Variants in ADGRD1 observed in about 807,000 individuals in gnomAD.
The protein encoded by ADGRD1 is G-protein coupled receptor 133.
ADGRD1 carries 77 observed loss-of-function variants against 113.4 expected under a neutral mutation model. The ratio of observed to expected loss-of-function variants is 0.68; its 90% CI spans 0.57 to 0.82. The LOEUF is 0.82. ADGRD1 is among the 40% of genes least tolerant of loss of function. The pLI, the probability that ADGRD1 is intolerant of heterozygous loss-of-function variation, is 0.00. For synonymous variants in ADGRD1, 474 were observed against 475.0 expected (o/e 1.00, Z 0.03); for missense variants, 1,036 against 1,139.1 (o/e 0.91, Z 1.30).
At chr12:131,036,024 A>G (rs2136952428) in intron 13 of ADGRD1, among the ~76,000 whole-genome samples, 1 of 152,318 alleles carries the variant, frequency 6.6e-6, no homozygotes, top group East Asian at 1.9e-4. Context: ...TAAAAACAAC[A>G]AAGCTTATTT....
At chr12:131,133,558 G>A (rs779408411) in intron 21 of ADGRD1, among the ~76,000 whole-genome samples, 14 of 152,190 alleles carry the variant, frequency 9.2e-5, no homozygotes, top group Non-Finnish European at 1.8e-4. Flanking sequence ...TCCCACCTGC[G>A]TCTGCACCTG....
intron 13 of ADGRD1, among the ~76,000 whole-genome samples, chr12:131,048,200 G>T (rs1883032230): frequency 6.6e-6 from 1 of 152,246 alleles, no homozygotes; most frequent in African/African-American, 2.4e-5. Context: ...TGAGTGGAAG[G>T]CTGAGGGCGC....
At chr12:131,122,530 A>G (rs79243423) in intron 20 of ADGRD1, among the ~76,000 whole-genome samples, 6,033 of 152,164 alleles carry the variant, frequency 0.04, 410 homozygotes, top group African/African-American at 0.14. Context: ...AGGACCATTC[A>G]TTTTGCCAAC....
chr12:130,996,720 C>T (rs1875459904), intron 8 of ADGRD1, among the ~76,000 whole-genome samples: 1 of 98,054 alleles, frequency 1.0e-5, no homozygotes, highest in Admixed American at 8.9e-5. Flanking sequence ...ACCCCCCCAC[C>T]ACCCTCCCGG....
intron 14 of ADGRD1, among the ~76,000 whole-genome samples, chr12:131,080,450 G>A (rs2137187765): frequency 6.6e-6 from 1 of 152,082 alleles, no homozygotes; most frequent in Non-Finnish European, 1.5e-5. Context: ...TATATTCTTG[G>A]TGGAGTGTTC....
Position 131,006,055 on chromosome 12 carries a change from TC to T in ADGRD1, c.1331+9del. On this transcript the variant is annotated intron_variant, in intron 12 of 24. Coordinates refer to ENST00000261654, the MANE Select transcript of ADGRD1 (RefSeq NM_198827.5). ...CTGGCCCGCCCACACCAAGTGAGTC[TC>T]GGGGGTGCTCAGCTCAGGGGCGTGG... is the stretch of plus-strand genomic sequence containing the variant. The T allele has an allele frequency of 6.2e-7, 1 of 1,611,952 alleles. No homozygotes were observed. The highest frequency in any genetic ancestry group is 1.1e-5 in the South Asian group (1 of 91,056).
intron 2 of ADGRD1, chr12:130,962,464 C>G (rs1393524253): frequency 4.6e-5 from 7 of 152,176 alleles, no homozygotes; most frequent in Admixed American, 4.6e-4. Context: ...CTTTGTATAA[C>G]AGATGTTATT....
chr12:131,136,058 C>T lies in ADGRD1; in HGVS notation c.2289C>T (p.Ala763=), dbSNP rs773398397. ...CCAGGTTGACAGCCAAGGCAGTGGC[C>T]GTGCTGCTGCCCATCCTGGGTACCT... ...SAFKLTAKAV[A]VLLPILGTSW... The change falls in exon 22 of 25, where the codon GCC becomes GCT. Residue 763 remains alanine (A), a synonymous_variant. Transcript: ENST00000261654. The T allele has an allele frequency of 2.1e-5, 34 of 1,613,964 alleles. No individual in the cohort carries two copies. Among genetic ancestry groups the T allele is most frequent in the East Asian group, 1.3e-4 (6 of 44,892 alleles).
chr12:131,013,591 C>G (rs1878193696), intron 12 of ADGRD1, among the ~76,000 whole-genome samples: 1 of 152,200 alleles, frequency 6.6e-6, no homozygotes, highest in South Asian at 2.1e-4. Context: ...GATACCAGGG[C>G]TTCCTCCTGA....
intron 13 of ADGRD1, among the ~76,000 whole-genome samples, chr12:131,040,267 C>G (rs539259303): frequency 6.6e-6 from 1 of 152,286 alleles, no homozygotes; most frequent in South Asian, 2.1e-4. Context: ...TTCCTCCTCT[C>G]CCTCCTGCTC....
rs1410929211 is a variant in ADGRD1 at position 131,050,570 on chromosome 12, CCAGGCACGTCTTACATGGG to C, written c.1474-26227_1474-26209del. ...CAGTCATGGCAGAAGGTGGAGGGAA[CCAGGCACGTCTTACATGGG>C]CAGATCAAGAGAGGTGGGGGGTGCC... On this transcript the variant is annotated intron_variant, in intron 13 of 24. Coordinates refer to ENST00000261654, the MANE Select transcript of ADGRD1 (RefSeq NM_198827.5). This position sits in a 1 kb window ranked among gnomAD's most constrained non-coding sequence, Gnocchi z 4.8. Among the ~76,000 whole-genome samples the C allele has an allele frequency of 1.3e-5, 2 of 152,050 alleles. No homozygotes were observed. The highest frequency in any genetic ancestry group is 4.8e-5 in the African/African-American group (2 of 41,408).
chr12:130,954,333 A>G lies in ADGRD1; in HGVS notation c.-133A>G. The G allele has an allele frequency of 1.4e-6, 1 of 723,512 alleles. No homozygotes were observed. The highest frequency in any genetic ancestry group is 2.0e-5 in the South Asian group (1 of 50,924). The allele number at this position is 723,512 out of a possible 1,614,324, so 44.8% of individuals were successfully genotyped here. A position where few individuals can be genotyped will look rare whatever the true frequency, so the allele number is the denominator to read the frequency against. ...AAGACAGCTGTGTTTCACAAACTTT[A>G]AGGAGACAGAAATTTTCTCCCCTGG... On this transcript the variant is annotated 5_prime_UTR_variant, in exon 1 of 25. Transcript: ENST00000261654. The surrounding 1 kb of genome is among the most constrained non-coding windows in gnomAD (Gnocchi z 4.7).
intron 13 of ADGRD1, among the ~76,000 whole-genome samples, chr12:131,017,521 GCA>G (rs955345522): frequency 3.1e-5 from 4 of 126,992 alleles, no homozygotes; most frequent in Non-Finnish European, 6.5e-5. Context: ...CACCCACCCA[GCA>G]CAGACACACA....
intron 13 of ADGRD1, among the ~76,000 whole-genome samples, chr12:131,018,607 C>T (rs941862952): frequency 5.3e-5 from 8 of 152,232 alleles, no homozygotes; most frequent in Admixed American, 6.5e-5. Context: ...AGGAAACCAG[C>T]TTGAGTCAGT....
intron 13 of ADGRD1, among the ~76,000 whole-genome samples, chr12:131,051,886 T>C (rs75814590): frequency 6.6e-6 from 1 of 151,164 alleles, no homozygotes; most frequent in Admixed American, 6.6e-5. Context: ...GAGAATTGAA[T>C]TGAATTGAAT....
intron 13 of ADGRD1, among the ~76,000 whole-genome samples, chr12:131,020,804 C>T (rs1175446088): frequency 6.6e-6 from 1 of 152,238 alleles, no homozygotes; most frequent in East Asian, 1.9e-4. Context: ...AGGGGCCAGG[C>T]CCGGGATGGC....
intron 13 of ADGRD1, among the ~76,000 whole-genome samples, chr12:131,024,963 G>A (rs769780037): frequency 6.6e-5 from 10 of 152,194 alleles, no homozygotes; most frequent in East Asian, 3.9e-4. Flanking sequence ...TGGGGGAACC[G>A]TCTCTGCAGG....
intron 4 of ADGRD1, chr12:130,976,776 C>A (rs1872361679): frequency 6.6e-6 from 1 of 151,888 alleles, no homozygotes; most frequent in African/African-American, 2.4e-5. Flanking sequence ...AATCCCAACA[C>A]TTTAGGAGGC....
At chr12:131,138,023 A>T in intron 23 of ADGRD1, 114 bp from the exon 24 acceptor site, 5 of 828,954 alleles carry the variant, frequency 6.0e-6, no homozygotes, top group Non-Finnish European at 1.0e-5. Context: ...TCATATTTCC[A>T]AATCCCAACC....
Sources: allele counts gnomAD v4.1 joint callset (sites outside exome capture counted in the v4.1 genomes callset), GRCh38; gene constraint gnomAD v4.1.1; non-coding constraint Gnocchi (gnomAD v3.1); transcripts MANE v1.5; gene names NCBI Gene and HGNC (gene_info 2026-07-23, HGNC 2026-07-21).